The following TNR variants were observed in gnomAD, a reference collection of about 807,000 sequenced individuals.
The protein encoded by TNR is tenascin-R.
TNR carries 45 observed loss-of-function variants against 150.4 expected under a neutral mutation model. That is an observed-to-expected ratio of 0.30 (90% CI 0.24 to 0.38). The LOEUF (loss-of-function observed/expected upper bound fraction) is 0.38, where lower values mean the gene tolerates loss of function less well. Ranked by LOEUF, TNR falls within the 10% of genes least tolerant of loss-of-function variation. The probability of loss-of-function intolerance (pLI) is 1.00; values close to 1 mark genes in which losing one functional copy is unlikely to be tolerated. For synonymous variants in TNR, 687 were observed against 678.4 expected, an observed-to-expected ratio of 1.01 and a Z score of -0.20; for missense variants, 1,544 against 1,759.1, an observed-to-expected ratio of 0.88 and a Z score of 2.19.
In TNR at chr1:175,393,907, C is replaced by G. The variant is rs771449622; in HGVS notation, c.1241-12G>C. ...AGGAGTGGAGAGATCTGGAACACAG[C>G]AATGTAGGTGACAATGTCATGGCTA... On this transcript the variant is annotated splice_polypyrimidine_tract_variant and intron_variant, in intron 5 of 22. Coordinates refer to ENST00000367674, the MANE Select transcript of TNR (RefSeq NM_003285.3). 40 of 1,592,600 alleles carry G rather than the reference C, an allele frequency of 2.5e-5. No individual in the cohort carries two copies. Among genetic ancestry groups the G allele is most frequent in the Non-Finnish European group, 3.4e-5 (39 of 1,160,602 alleles).
In TNR at chr1:175,656,772, G is replaced by A. The variant is rs149692500; in HGVS notation, c.-165+86454C>T. 3.2e-3 allele frequency among the ~76,000 whole-genome samples: 485 copies of A among 152,202 alleles called. 1 individual carries two copies. Among genetic ancestry groups the A allele is most frequent in the African/African-American group, 0.011 (457 of 41,520 alleles). ...GGGCATTTTCTGAGTGAGGTTGTAC[G>A]TGGCTGTGTTTGTGTGAGGTTTTGC... On this transcript the variant is annotated intron_variant, in intron 1 of 22. Coordinates refer to ENST00000367674, the MANE Select transcript of TNR (RefSeq NM_003285.3).
chr1:175,431,348 G>A, intron 2 of TNR, among the ~76,000 whole-genome samples: 1 of 152,198 alleles, frequency 6.6e-6, no homozygotes, highest in South Asian at 2.1e-4. Flanking sequence ...TATCTAACAA[G>A]CATTATCAAG....
intron 2 of TNR, among the ~76,000 whole-genome samples, chr1:175,505,267 T>G (rs897949661): frequency 6.6e-6 from 1 of 152,086 alleles, no homozygotes; most frequent in African/African-American, 2.4e-5. Context: ...GAAGCCTGGC[T>G]CCCCTGCAGA....
intron 18 of TNR, among the ~76,000 whole-genome samples, chr1:175,351,350 T>G (rs752475529): frequency 1.3e-5 from 2 of 152,194 alleles, no homozygotes; most frequent in Admixed American, 1.3e-4. Flanking sequence ...AATATTACCA[T>G]GCAAATGACT....
At chr1:175,711,398 AG>A (rs1168069795) in intron 1 of TNR, among the ~76,000 whole-genome samples, 1 of 152,170 alleles carries the variant, frequency 6.6e-6, no homozygotes, top group Non-Finnish European at 1.5e-5. Flanking sequence ...AGGAACAGGA[AG>A]GAGGCCAGTG....
intron 2 of TNR, among the ~76,000 whole-genome samples, chr1:175,498,639 A>G (rs1658589496): frequency 6.6e-6 from 1 of 152,214 alleles, no homozygotes; most frequent in Non-Finnish European, 1.5e-5. Flanking sequence ...ATAGGCAGAA[A>G]AGGTCCATGC....
intron 1 of TNR, among the ~76,000 whole-genome samples, chr1:175,582,355 C>G (rs1162080933): frequency 1.3e-5 from 2 of 152,166 alleles, no homozygotes; most frequent in Non-Finnish European, 2.9e-5. Flanking sequence ...TTAGCTTTGA[C>G]TGTGGCAAGA....
chr1:175,373,719 G>A (rs1156386292), intron 9 of TNR, among the ~76,000 whole-genome samples: 4 of 151,026 alleles, frequency 2.6e-5, no homozygotes, highest in Non-Finnish European at 5.9e-5. Context: ...ATTCTGGGTT[G>A]TTGCTGTGAA....
At chr1:175,650,846 T>C (rs1323537732) in intron 1 of TNR, among the ~76,000 whole-genome samples, 1 of 64,464 alleles carries the variant, frequency 1.6e-5, no homozygotes, top group Non-Finnish European at 3.0e-5. Flanking sequence ...CCCCACCTCA[T>C]TACTACCCAT....
intron 20 of TNR, among the ~76,000 whole-genome samples, chr1:175,331,049 C>CTTTA (rs373781031): frequency 9.7e-6 from 1 of 103,170 alleles, no homozygotes; most frequent in African/African-American, 3.7e-5. Flanking sequence ...TTCTTTCTTT[C>CTTTA]TTTCTTTCTT....
At chr1:175,457,310 G>A (rs567288516) in intron 2 of TNR, among the ~76,000 whole-genome samples, 2 of 152,306 alleles carry the variant, frequency 1.3e-5, no homozygotes, top group South Asian at 2.1e-4. Context: ...TGTTGGGAGG[G>A]GCTCCATTCC....
At chr1:175,526,177 A>G (rs181474707) in intron 2 of TNR, among the ~76,000 whole-genome samples, 334 of 152,354 alleles carry the variant, frequency 2.2e-3, no homozygotes, top group African/African-American at 7.6e-3. Flanking sequence ...ACATATTCAT[A>G]AAGTGAAACA....
chr1:175,437,626 G>A (rs931873932), intron 2 of TNR, among the ~76,000 whole-genome samples: 3 of 152,042 alleles, frequency 2.0e-5, no homozygotes, highest in Non-Finnish European at 2.9e-5. Context: ...TTGATAGACC[G>A]CTAGCAAGAC....
intron 9 of TNR, among the ~76,000 whole-genome samples, chr1:175,368,581 A>T (rs1213964038): frequency 6.6e-6 from 1 of 152,156 alleles, no homozygotes. Context: ...GATGCTGGGG[A>T]TTCTTTGAGG....
intron 1 of TNR, among the ~76,000 whole-genome samples, chr1:175,603,622 C>T (rs1663319174): frequency 6.6e-6 from 1 of 152,248 alleles, no homozygotes; most frequent in Non-Finnish European, 1.5e-5. Context: ...AGCCATTGCT[C>T]ACATACCCCA....
chr1:175,446,150 A>C (rs1390514571), intron 2 of TNR, among the ~76,000 whole-genome samples: 4 of 152,158 alleles, frequency 2.6e-5, no homozygotes, highest in Non-Finnish European at 5.9e-5. Context: ...AATTCAGGGC[A>C]TTTTGCAAGA....
At chr1:175,331,071 T>TC (rs1557867973) in intron 20 of TNR, among the ~76,000 whole-genome samples, 20 of 124,106 alleles carry the variant, frequency 1.6e-4, no homozygotes, top group East Asian at 9.0e-4. Context: ...CTTTCTTTCT[T>TC]TCTTTCCTTC....
intron 17 of TNR, 138 bp from the exon 18 acceptor site, chr1:175,354,661 A>G (rs1651234293): frequency 2.6e-6 from 3 of 1,158,044 alleles, no homozygotes; most frequent in East Asian, 4.7e-5. Flanking sequence ...CCATCCCACA[A>G]TAAGGATTAC....
At chr1:175,582,631 T>C (rs1662400388) in intron 1 of TNR, among the ~76,000 whole-genome samples, 1 of 152,194 alleles carries the variant, frequency 6.6e-6, no homozygotes, top group African/African-American at 2.4e-5. Flanking sequence ...GCCTTTACCA[T>C]GCTTCTTGCC....
Sources: gnomAD v4.1 joint callset for allele counts (sites outside exome capture counted in the v4.1 genomes callset) on GRCh38, gnomAD v4.1.1 for gene constraint, MANE v1.5 for transcripts, NCBI Gene and HGNC (gene_info 2026-07-23, HGNC 2026-07-21) for gene names.